DMD: variants seen among roughly 807,000 people sequenced by gnomAD.
DMD encodes the protein mutant dystrophin.
A neutral mutation model predicts 330.1 loss-of-function variants in DMD; 63 were observed. The ratio of observed to expected loss-of-function variants is 0.19; its 90% CI spans 0.16 to 0.24. The LOEUF is 0.24. Among genes scored for constraint, DMD ranks in the 10% least tolerant of loss-of-function variants. The pLI, the probability that DMD is intolerant of heterozygous loss-of-function variation, is 1.00. For synonymous variants in DMD, 1,223 were observed against 959.8 expected (o/e 1.27, Z -5.07); for missense variants, 3,344 against 2,684.1 (o/e 1.25, Z -5.43).
At chrX:33,333,063 G>A (rs1028742536) in intron 1 of DMD, among the ~76,000 whole-genome samples, 2 of 110,627 alleles carry the variant, frequency 1.8e-5, no homozygotes, top group Non-Finnish European at 3.8e-5. Flanking sequence ...GCAGTAACAA[G>A]AACTAAATTT....
intron 11 of DMD, among the ~76,000 whole-genome samples, chrX:32,616,029 G>A (rs1447124456): frequency 9.0e-6 from 1 of 110,875 alleles, no homozygotes; most frequent in Non-Finnish European, 1.9e-5. Flanking sequence ...GTGCTGGCCA[G>A]GCTGGTATTT....
intron 60 of DMD, among the ~76,000 whole-genome samples, chrX:31,380,362 A>G (rs1401678912): frequency 1.8e-5 from 2 of 108,789 alleles, no homozygotes; most frequent in Non-Finnish European, 3.8e-5. Flanking sequence ...CCTCCTTCAC[A>G]TCTCCCCTTG....
intron 55 of DMD, among the ~76,000 whole-genome samples, chrX:31,560,742 A>G (rs941206581): frequency 1.3e-4 from 14 of 110,462 alleles, no homozygotes; most frequent in African/African-American, 4.6e-4. Context: ...GAAGACCTAT[A>G]TGATGATCCA....
At chrX:32,823,861 G>A (rs112128688) in intron 4 of DMD, among the ~76,000 whole-genome samples, 2 of 111,232 alleles carry the variant, frequency 1.8e-5, no homozygotes, top group African/African-American at 6.5e-5. Context: ...CTCTGTCTAG[G>A]ACTGTGTTTG....
intron 45 of DMD, among the ~76,000 whole-genome samples, chrX:31,964,596 AGT>A (rs59973399): frequency 0.042 from 4,185 of 99,094 alleles, 202 homozygotes; most frequent in African/African-American, 0.13. Flanking sequence ...AATGTTAAAA[AGT>A]GTGTGTGTGT....
At chrX:31,791,046 T>C (rs1479292346) in intron 50 of DMD, among the ~76,000 whole-genome samples, 1 of 111,680 alleles carries the variant, frequency 9.0e-6, no homozygotes, top group Non-Finnish European at 1.9e-5. Flanking sequence ...TGGTTGTGGA[T>C]TTGAGAATTT....
chrX:31,681,746 C>T lies in DMD; in HGVS notation c.7661-2160G>A, dbSNP rs186290185. On this transcript the variant is annotated intron_variant, in intron 52 of 78. Coordinates refer to ENST00000357033, the MANE Select transcript of DMD (RefSeq NM_004006.3). ...TCTTATTTTGTTATGTAAGTAAAGT[C>T]CTTTTTAATTAACCCTGTTGCCTCC... Among the ~76,000 whole-genome samples the T allele has an allele frequency of 2.6e-3, 288 of 112,768 alleles. 3 individuals are homozygous for T. Among genetic ancestry groups the T allele is most frequent in the Non-Finnish European group, 2.5e-3 (136 of 53,345 alleles).
rs751890324 is a variant in DMD at position 32,696,887 on chromosome X, A to AT, written c.960+982dup. Among the ~76,000 whole-genome samples, 18 of 111,338 alleles carry AT rather than the reference A, an allele frequency of 1.6e-4. No homozygotes were observed. The South Asian group carries it at 7.0e-3, about 43-fold the overall frequency. ...AGTAAACTAGCCAAGGATGGAGGTC[A>AT]TAACTATTTCAAAGCTTAGAATTTT... On this transcript the variant is annotated intron_variant, in intron 9 of 78. Transcript: ENST00000357033.
At chrX:33,039,225 C>A (rs1219765221) in intron 1 of DMD, among the ~76,000 whole-genome samples, 1 of 111,030 alleles carries the variant, frequency 9.0e-6, no homozygotes, top group African/African-American at 3.3e-5. Flanking sequence ...AATTTTGGAG[C>A]CCTGCTTCCA....
At chrX:31,699,850 A>C (rs1432864773) in intron 52 of DMD, among the ~76,000 whole-genome samples, 1 of 111,641 alleles carries the variant, frequency 9.0e-6, no homozygotes, top group Non-Finnish European at 1.9e-5. Flanking sequence ...CAATTCTTTC[A>C]GCTTTCTGTG....
intron 44 of DMD, among the ~76,000 whole-genome samples, chrX:32,148,311 T>C (rs1365003813): frequency 8.9e-6 from 1 of 111,848 alleles, no homozygotes; most frequent in Non-Finnish European, 1.9e-5. Flanking sequence ...TTATTATGAC[T>C]ACATCAGAAG....
At chrX:31,680,460 T>C (rs1202231819) in intron 52 of DMD, among the ~76,000 whole-genome samples, 3 of 109,305 alleles carry the variant, frequency 2.7e-5, no homozygotes, top group Admixed American at 2.0e-4. Flanking sequence ...AACCTCCGCC[T>C]CCCGGGTTCA....
intron 44 of DMD, among the ~76,000 whole-genome samples, chrX:32,009,290 TTC>T (rs1242319203): frequency 9.0e-6 from 1 of 111,542 alleles, no homozygotes; most frequent in Non-Finnish European, 1.9e-5. Flanking sequence ...ATAAGTTGCT[TTC>T]CAAGTTCATG....
intron 1 of DMD, among the ~76,000 whole-genome samples, chrX:33,254,663 A>G (rs895289056): frequency 6.3e-5 from 7 of 111,019 alleles, no homozygotes; most frequent in African/African-American, 1.9e-4. Context: ...GCTAAAATGT[A>G]AATCTTATAC....
At chrX:32,085,945 G>C (rs916121483) in intron 44 of DMD, among the ~76,000 whole-genome samples, 11 of 111,450 alleles carry the variant, frequency 9.9e-5, no homozygotes, top group African/African-American at 3.3e-4. Flanking sequence ...AGCACTATTT[G>C]TAATAGCTAA....
chrX:32,898,366 G>T (rs1028455049), intron 2 of DMD, among the ~76,000 whole-genome samples: 9 of 112,178 alleles, frequency 8.0e-5, no homozygotes, highest in African/African-American at 2.9e-4. Context: ...GACAGGTTAA[G>T]CCCCAAAATC....
At chrX:32,655,262 C>G (rs974577354) in intron 9 of DMD, among the ~76,000 whole-genome samples, 2 of 112,206 alleles carry the variant, frequency 1.8e-5, no homozygotes, top group Non-Finnish European at 3.8e-5. Flanking sequence ...CCTGCTTTCT[C>G]TTGTGGGCAT....
At chrX:32,958,022 A>C (rs1049409839) in intron 2 of DMD, among the ~76,000 whole-genome samples, 4 of 112,140 alleles carry the variant, frequency 3.6e-5, no homozygotes, top group Admixed American at 1.9e-4. Context: ...AAATAATTCA[A>C]GAACTGTTAT....
At chrX:32,378,962 G>C (rs1341888824) in intron 34 of DMD, among the ~76,000 whole-genome samples, 1 of 109,161 alleles carries the variant, frequency 9.2e-6, no homozygotes, top group East Asian at 2.9e-4. Context: ...AAATGTGACT[G>C]GCTTAGATCT....
Sources: gnomAD v4.1 joint callset for allele counts (sites outside exome capture counted in the v4.1 genomes callset) on GRCh38, gnomAD v4.1.1 for gene constraint, MANE v1.5 for transcripts, NCBI Gene and HGNC (gene_info 2026-07-23, HGNC 2026-07-21) for gene names.